Variants in IFT80 observed in about 807,000 individuals in gnomAD.
IFT80 encodes intraflagellar transport 80.
A neutral mutation model predicts 107.9 loss-of-function variants in IFT80; 79 were observed. That is an observed-to-expected ratio of 0.73 (90% CI 0.61 to 0.88). The LOEUF is 0.88. Ranked by LOEUF, IFT80 falls within the 40% of genes least tolerant of loss-of-function variation. The pLI is 0.00. For synonymous variants in IFT80, 299 were observed against 300.9 expected (o/e 0.99, Z 0.07); for missense variants, 797 against 914.2 (o/e 0.87, Z 1.65).
At chr3:160,397,737 T>TTTTTTTTTTTG (rs1350153504) in intron 1 of IFT80, among the ~76,000 whole-genome samples, 1 of 148,736 alleles carries the variant, frequency 6.7e-6, no homozygotes, top group Admixed American at 6.6e-5. Flanking sequence ...TTTTTTTTTT[T>TTTTTTTTTTTG]TGAGACGCAG....
At chr3:160,347,909 T>C (rs1576846499) in intron 8 of IFT80, among the ~76,000 whole-genome samples, 1 of 152,324 alleles carries the variant, frequency 6.6e-6, no homozygotes, top group South Asian at 2.1e-4. Context: ...AGAAAATTCC[T>C]AGAAGAGAGA....
chr3:160,383,030 A>G (rs1435546330), intron 2 of IFT80, among the ~76,000 whole-genome samples: 1 of 152,236 alleles, frequency 6.6e-6, no homozygotes, highest in East Asian at 1.9e-4. Context: ...GGTAAAACCT[A>G]AAATGGGAGA....
At chr3:160,395,632 T>C (rs186713003) in intron 1 of IFT80, among the ~76,000 whole-genome samples, 22 of 152,280 alleles carry the variant, frequency 1.4e-4, no homozygotes, top group African/African-American at 5.3e-4. Flanking sequence ...TTTTAGAAGA[T>C]ATGAGGCTGG....
At position 160,371,944 on chromosome 3, in the gene IFT80, T is replaced by C. The variant is rs75049709; in HGVS notation, c.439+3868A>G. ...ATGGCCTAAGTATAATTATCTCTGG[T>C]GTACATATTATTTTTCTCTAATAAG... On this transcript the variant is annotated intron_variant, in intron 5 of 19. Transcript: ENST00000326448. Among the ~76,000 whole-genome samples, 7 of 152,340 alleles carry C rather than the reference T, an allele frequency of 4.6e-5. No individual in the cohort carries two copies. The East Asian group carries it at 1.3e-3, about 29-fold the overall frequency.
intron 5 of IFT80, among the ~76,000 whole-genome samples, chr3:160,372,441 T>C (rs377730210): frequency 2.2e-4 from 34 of 152,318 alleles, no homozygotes; most frequent in African/African-American, 7.7e-4. Context: ...ACCTTTCCTT[T>C]TGGGTTACTG....
At chr3:160,259,669 C>A (rs1712663501) in intron 19 of IFT80, among the ~76,000 whole-genome samples, 1 of 152,210 alleles carries the variant, frequency 6.6e-6, no homozygotes, top group East Asian at 1.9e-4. Context: ...CCTAGCCCAG[C>A]CCTATTCCTC....
At chr3:160,278,453 G>A (rs1014771913) in intron 16 of IFT80, among the ~76,000 whole-genome samples, 3 of 152,222 alleles carry the variant, frequency 2.0e-5, no homozygotes, top group South Asian at 2.1e-4. Flanking sequence ...AATCAGACAC[G>A]GCCTCCTCAA....
chr3:160,277,372 A>G lies in IFT80; in HGVS notation c.2033T>C (p.Val678Ala). 2 of 1,613,738 alleles carry G rather than the reference A, an allele frequency of 1.2e-6. No homozygotes were observed. The highest frequency in any genetic ancestry group is 1.7e-6 in the Non-Finnish European group (2 of 1,179,808). Residue 678 changes from valine (V) to alanine (A), a missense_variant, in exon 18 of 20, where the codon GTA (valine) becomes GCA (alanine). Transcript: ENST00000326448. ...FSGNIQEAEI[V>A]LLQAGLVYQA... Reference sequence around the variant, plus strand: ...ATAAACAAGGCCAGCCTGAAGAAGTACTATTTCAGCCTCCTGTATGTTCCC... The same window carrying G: ...ATAAACAAGGCCAGCCTGAAGAAGTGCTATTTCAGCCTCCTGTATGTTCCC...
chr3:160,370,649 C>A (rs1010319285), intron 5 of IFT80, among the ~76,000 whole-genome samples: 1 of 152,096 alleles, frequency 6.6e-6, no homozygotes, highest in Non-Finnish European at 1.5e-5. Flanking sequence ...ATGTAACTTA[C>A]TCCCAAATTA....
At chr3:160,315,804 T>C (rs1328961447) in intron 9 of IFT80, among the ~76,000 whole-genome samples, 1 of 152,140 alleles carries the variant, frequency 6.6e-6, no homozygotes, top group East Asian at 1.9e-4. Flanking sequence ...TGGAGCTGGA[T>C]GCAATAACCA....
intron 12 of IFT80, among the ~76,000 whole-genome samples, chr3:160,290,236 G>A (rs1348665313): frequency 2.6e-5 from 4 of 151,628 alleles, no homozygotes; most frequent in Admixed American, 2.0e-4. Flanking sequence ...GTGAAACCCC[G>A]TCTCCCCTAA....
intron 2 of IFT80, among the ~76,000 whole-genome samples, chr3:160,382,899 C>A (rs892534067): frequency 4.6e-5 from 7 of 152,076 alleles, no homozygotes; most frequent in African/African-American, 1.7e-4. Context: ...AGAGTCTGCA[C>A]AAAAAGGTAA....
intron 8 of IFT80, among the ~76,000 whole-genome samples, chr3:160,328,054 G>C (rs1718803437): frequency 6.6e-6 from 1 of 152,092 alleles, no homozygotes; most frequent in Admixed American, 6.6e-5. Flanking sequence ...CTCAAAAGAA[G>C]ACATATATGG....
intron 6 of IFT80, among the ~76,000 whole-genome samples, chr3:160,359,298 T>C (rs771490416): frequency 2.6e-5 from 4 of 152,322 alleles, no homozygotes; most frequent in East Asian, 3.9e-4. Flanking sequence ...ACTTGACCAA[T>C]TGTGATATAA....
chr3:160,366,456 A>T (rs748371618), intron 5 of IFT80, among the ~76,000 whole-genome samples: 1 of 152,040 alleles, frequency 6.6e-6, no homozygotes, highest in Non-Finnish European at 1.5e-5. Context: ...ACATAAGATA[A>T]AATAAATATA....
chr3:160,384,071 C>A (rs1442850292), intron 2 of IFT80: 2 of 310,494 alleles, frequency 6.4e-6, no homozygotes, highest in Non-Finnish European at 9.4e-6. Context: ...ATGGTGAAAC[C>A]CCGTCTCTAC....
chr3:160,277,465 T>C lies in IFT80; in HGVS notation c.1940A>G (p.Gln647Arg), dbSNP rs1299249465. The change falls in exon 18 of 20, where the codon CAG becomes CGG. Residue 647 changes from glutamine to arginine, a missense_variant. Coordinates refer to ENST00000326448, the MANE Select transcript of IFT80 (RefSeq NM_020800.3). ...AAGATTTTTTATAGAATTGATGTAC[T>C]GAACCTTATCAATCTAAAAAAGAAA... ...YAAIGEIDKV[Q>R]YINSIKNLPS... The C allele has an allele frequency of 6.2e-7, 1 of 1,605,772 alleles. No homozygotes were observed. Among genetic ancestry groups the C allele is most frequent in the African/African-American group, 1.3e-5 (1 of 74,638 alleles).
At chr3:160,291,934 C>A (rs917352222) in intron 12 of IFT80, among the ~76,000 whole-genome samples, 1 of 152,214 alleles carries the variant, frequency 6.6e-6, no homozygotes, top group Non-Finnish European at 1.5e-5. Flanking sequence ...GGGGCTGCAG[C>A]AATGCAGAGA....
chr3:160,350,875 T>C (rs941538187), intron 8 of IFT80, among the ~76,000 whole-genome samples: 2 of 152,114 alleles, frequency 1.3e-5, no homozygotes, highest in Non-Finnish European at 2.9e-5. Flanking sequence ...TACATATTTC[T>C]AAAATAACTT....
Sources: allele counts gnomAD v4.1 joint callset (sites outside exome capture counted in the v4.1 genomes callset), GRCh38; gene constraint gnomAD v4.1.1; transcripts MANE v1.5; gene names NCBI Gene and HGNC (gene_info 2026-07-23, HGNC 2026-07-21).